PRKN: variants seen among roughly 807,000 people sequenced by gnomAD.
The protein encoded by PRKN is E3 ubiquitin-protein ligase parkin.
PRKN carries 56 observed loss-of-function variants against 59.5 expected under a neutral mutation model. The ratio of observed to expected loss-of-function variants is 0.94; its 90% CI spans 0.76 to 1.18. The LOEUF (loss-of-function observed/expected upper bound fraction) is 1.18. PRKN is among the 50% of genes most tolerant of loss of function. PRKN has a pLI of 0.00. For missense variants in PRKN, 657 were observed against 596.4 expected (o/e 1.10, Z -1.06); for synonymous variants, 250 against 222.1 (o/e 1.13, Z -1.12).
At chr6:162,701,883 ACACC>A (rs71970315) in intron 1 of PRKN, among the ~76,000 whole-genome samples, 35,874 of 144,460 alleles carry the variant, frequency 0.25, 4,905 homozygotes, top group African/African-American at 0.36. Flanking sequence ...ACACACACAC[ACACC>A]CCCCCGACAA....
intron 3 of PRKN, among the ~76,000 whole-genome samples, chr6:162,209,805 T>A (rs1281444139): frequency 6.6e-6 from 1 of 152,068 alleles, no homozygotes; most frequent in Non-Finnish European, 1.5e-5. Context: ...ATGTCCTTTG[T>A]GGGGATGTGG....
intron 9 of PRKN, among the ~76,000 whole-genome samples, chr6:161,424,960 G>A (rs1788264566): frequency 6.6e-6 from 1 of 152,112 alleles, no homozygotes; most frequent in African/African-American, 2.4e-5. Context: ...GGGAGACTAT[G>A]GGAGTTTCTT....
intron 3 of PRKN, among the ~76,000 whole-genome samples, chr6:162,251,479 C>T (rs186057044): frequency 6.6e-6 from 1 of 152,110 alleles, no homozygotes; most frequent in African/African-American, 2.4e-5. Context: ...GTTACAGTCT[C>T]CAAGCAGCCA....
At chr6:162,304,896 T>C (rs1238597817) in intron 2 of PRKN, among the ~76,000 whole-genome samples, 1 of 152,142 alleles carries the variant, frequency 6.6e-6, no homozygotes, top group Non-Finnish European at 1.5e-5. Context: ...TTTTTAGATG[T>C]AATCAAACAG....
chr6:161,422,343 C>T (rs1057085921), intron 9 of PRKN, among the ~76,000 whole-genome samples: 10 of 151,892 alleles, frequency 6.6e-5, no homozygotes, highest in Non-Finnish European at 1.5e-4. Flanking sequence ...GGACTACAGG[C>T]ACCCACCACC....
At chr6:162,531,030 C>T (rs1265560570) in intron 1 of PRKN, among the ~76,000 whole-genome samples, 1 of 131,104 alleles carries the variant, frequency 7.6e-6, no homozygotes, top group African/African-American at 2.8e-5. Context: ...GCACTCCGGC[C>T]TGGGTAACAG....
intron 5 of PRKN, among the ~76,000 whole-genome samples, chr6:162,051,965 T>C (rs1330941553): frequency 2.0e-5 from 3 of 152,200 alleles, no homozygotes; most frequent in Non-Finnish European, 4.4e-5. Context: ...ATTTGTGGAC[T>C]GTGGTATCCA....
At chr6:161,686,218 C>A (rs1350857601) in intron 7 of PRKN, among the ~76,000 whole-genome samples, 1 of 152,118 alleles carries the variant, frequency 6.6e-6, no homozygotes, top group Non-Finnish European at 1.5e-5. Context: ...TCAATGCCAC[C>A]TTTCAGCCAT....
At position 161,918,613 on chromosome 6, in the gene PRKN, T is replaced by C. The variant is rs1292362987; in HGVS notation, c.734+54689A>G. ...CAGGTTATATAATCATGGTGCATTA[T>C]CTTTGTACCCACAAAATGCTTAACG... On this transcript the variant is annotated intron_variant, in intron 6 of 11. Coordinates refer to ENST00000366898, the MANE Select transcript of PRKN (RefSeq NM_004562.3). 5.3e-5 allele frequency among the ~76,000 whole-genome samples: 8 copies of C among 152,212 alleles called. No individual in the cohort carries two copies. In the South Asian group the frequency reaches 1.4e-3, roughly 28 times the overall value.
chr6:162,595,123 G>C (rs937291128), intron 1 of PRKN, among the ~76,000 whole-genome samples: 1 of 152,116 alleles, frequency 6.6e-6, no homozygotes, highest in South Asian at 2.1e-4. Context: ...GCAGGGAGCT[G>C]AGATCGTGCC....
chr6:162,487,702 A>AT (rs1179638633), intron 1 of PRKN, among the ~76,000 whole-genome samples: 1 of 152,168 alleles, frequency 6.6e-6, no homozygotes, highest in African/African-American at 2.4e-5. Flanking sequence ...AGAATTCAAC[A>AT]TAGAAACAAC....
intron 2 of PRKN, among the ~76,000 whole-genome samples, chr6:162,326,116 G>A (rs1783263061): frequency 1.3e-5 from 2 of 152,160 alleles, no homozygotes; most frequent in African/African-American, 4.8e-5. Flanking sequence ...TGAGTAGGGA[G>A]GAGACGAAGC....
At chr6:162,406,474 A>C (rs577726554) in intron 2 of PRKN, among the ~76,000 whole-genome samples, 1 of 152,250 alleles carries the variant, frequency 6.6e-6, no homozygotes, top group African/African-American at 2.4e-5. Context: ...TAGACTCTCT[A>C]TGCAGCATTT....
chr6:161,757,933 G>GTATATATATATATATATATATA (rs1415902228), intron 7 of PRKN, among the ~76,000 whole-genome samples: 3 of 101,438 alleles, frequency 3.0e-5, no homozygotes, highest in African/African-American at 1.1e-4. Flanking sequence ...CTCTCTCTCT[G>GTATATATATATATATATATATA]TATATATATG....
chr6:161,903,467 A>T (rs1265792599), intron 6 of PRKN, among the ~76,000 whole-genome samples: 1 of 152,176 alleles, frequency 6.6e-6, no homozygotes, highest in Non-Finnish European at 1.5e-5. Context: ...AGAGGGTGGG[A>T]CCTTCGTTTC....
At chr6:162,158,483 G>A (rs1468397558) in intron 4 of PRKN, among the ~76,000 whole-genome samples, 1 of 150,984 alleles carries the variant, frequency 6.6e-6, no homozygotes, top group Non-Finnish European at 1.5e-5. Context: ...CCAGGCTGGA[G>A]AGCAGCGGCA....
chr6:161,411,940 T>C (rs1347103276), intron 9 of PRKN, among the ~76,000 whole-genome samples: 1 of 146,956 alleles, frequency 6.8e-6, no homozygotes, highest in African/African-American at 2.6e-5. Context: ...CCTCCCTCAC[T>C]CATTCCTCCA....
chr6:161,773,172 T>G (rs1296130137), intron 7 of PRKN, among the ~76,000 whole-genome samples: 2 of 152,190 alleles, frequency 1.3e-5, no homozygotes, highest in African/African-American at 2.4e-5. Flanking sequence ...ACAGAGGTTT[T>G]CTATAACTAT....
At chr6:162,051,565 G>C (rs1400088765) in intron 5 of PRKN, among the ~76,000 whole-genome samples, 1 of 152,150 alleles carries the variant, frequency 6.6e-6, no homozygotes, top group Non-Finnish European at 1.5e-5. Flanking sequence ...TGTGAGAAAG[G>C]CTTCGGTCAT....
Sources: allele counts gnomAD v4.1 joint callset (sites outside exome capture counted in the v4.1 genomes callset), GRCh38; gene constraint gnomAD v4.1.1; transcripts MANE v1.5; gene names NCBI Gene and HGNC (gene_info 2026-07-23, HGNC 2026-07-21).